KALRN: variants seen among roughly 807,000 people sequenced by gnomAD.
The protein encoded by KALRN is kalirin RhoGEF kinase.
KALRN carries 70 observed loss-of-function variants against 353.7 expected under a neutral mutation model. The observed-to-expected ratio is 0.20, with a 90% CI of 0.16 to 0.24. The LOEUF (loss-of-function observed/expected upper bound fraction) is 0.24, where lower values mean the gene tolerates loss of function less well. KALRN is among the 10% of genes least tolerant of loss of function. The pLI is 1.00. For missense variants in KALRN, 2,791 were observed against 3,756.7 expected (o/e 0.74, Z 6.72); for synonymous variants, 1,391 against 1,434.8 (o/e 0.97, Z 0.69).
At chr3:124,684,529 A>G (rs1290226104) in intron 51 of KALRN, among the ~76,000 whole-genome samples, 1 of 152,192 alleles carries the variant, frequency 6.6e-6, no homozygotes, top group Non-Finnish European at 1.5e-5. Context: ...ACCGCCAGCT[A>G]TGAGACTGCT....
intron 51 of KALRN, among the ~76,000 whole-genome samples, chr3:124,683,990 A>G (rs576685252): frequency 5.9e-5 from 9 of 152,294 alleles, no homozygotes; most frequent in African/African-American, 1.9e-4. Flanking sequence ...TACCATTTTA[A>G]CCATTTTTGA....
chr3:124,587,212 CA>C (rs2075285678), intron 34 of KALRN, among the ~76,000 whole-genome samples: 1 of 152,002 alleles, frequency 6.6e-6, no homozygotes, highest in Non-Finnish European at 1.5e-5. Context: ...AGGCAACCTC[CA>C]CACTCCACCT....
chr3:124,277,639 A>G (rs1057279739), intron 5 of KALRN, among the ~76,000 whole-genome samples: 1 of 151,944 alleles, frequency 6.6e-6, no homozygotes, highest in African/African-American at 2.4e-5. Context: ...CCTCTCCTGC[A>G]TTTTCAGCCC....
chr3:124,151,722 A>AT (rs1246891174), intron 1 of KALRN, among the ~76,000 whole-genome samples: 10 of 151,904 alleles, frequency 6.6e-5, no homozygotes, highest in African/African-American at 2.4e-4. Flanking sequence ...CCAGTTTATT[A>AT]TTTTTTCTTT....
intron 48 of KALRN, among the ~76,000 whole-genome samples, chr3:124,673,659 G>C (rs562955391): frequency 1.3e-5 from 2 of 150,330 alleles, no homozygotes; most frequent in African/African-American, 4.9e-5. Context: ...AAGAATTTCT[G>C]GCTCTTACCA....
At chr3:124,521,853 G>C (rs1209394143) in intron 33 of KALRN, among the ~76,000 whole-genome samples, 1 of 152,098 alleles carries the variant, frequency 6.6e-6, no homozygotes. Context: ...AGATTCAGCA[G>C]TTGCTTATTC....
At chr3:124,443,693 A>C (rs1400849315) in intron 19 of KALRN, among the ~76,000 whole-genome samples, 2 of 152,228 alleles carry the variant, frequency 1.3e-5, no homozygotes, top group African/African-American at 4.8e-5. Flanking sequence ...GAAGAATAAC[A>C]GGCACCCAGA....
intron 33 of KALRN, among the ~76,000 whole-genome samples, chr3:124,532,931 T>C (rs552232105): frequency 1.3e-5 from 2 of 148,894 alleles, no homozygotes; most frequent in Non-Finnish European, 3.0e-5. Context: ...ATTCCATGAC[T>C]TTTATGGGAA....
At chr3:124,518,462 G>T in intron 33 of KALRN, 1 of 1,614,072 alleles carries the variant, frequency 6.2e-7, no homozygotes, top group Non-Finnish European at 8.5e-7. Flanking sequence ...CTTACGTTTA[G>T]CGCGCATCCT....
chr3:124,197,760 C>G (rs549193878), intron 1 of KALRN, among the ~76,000 whole-genome samples: 2 of 152,332 alleles, frequency 1.3e-5, no homozygotes, highest in South Asian at 4.1e-4. Flanking sequence ...AGGGATTTAT[C>G]AGGAGCCTTC....
intron 1 of KALRN, among the ~76,000 whole-genome samples, chr3:124,118,473 A>G (rs2063666897): frequency 6.6e-6 from 1 of 151,940 alleles, no homozygotes; most frequent in Non-Finnish European, 1.5e-5. Flanking sequence ...ACATGTGAAC[A>G]TTTAAAAAGT....
intron 47 of KALRN, among the ~76,000 whole-genome samples, chr3:124,670,105 G>A (rs2150355220): frequency 6.6e-6 from 1 of 152,054 alleles, no homozygotes; most frequent in South Asian, 2.1e-4. Context: ...TGAGAAGCTG[G>A]GATTACAGGT....
At chr3:124,260,619 G>A (rs1232612943) in intron 3 of KALRN, among the ~76,000 whole-genome samples, 1 of 152,074 alleles carries the variant, frequency 6.6e-6, no homozygotes, top group East Asian at 1.9e-4. Flanking sequence ...TAGGGTTTCA[G>A]ATACTAGGAG....
chr3:124,686,797 GATTTTTTTT>G (rs2061579826), intron 51 of KALRN, among the ~76,000 whole-genome samples: 1 of 112,004 alleles, frequency 8.9e-6, no homozygotes, highest in Admixed American at 9.9e-5. Flanking sequence ...ACACTGGTGA[GATTTTTTTT>G]TTTTTTTTTT....
At chr3:124,610,534 A>G (rs143173461) in intron 34 of KALRN, among the ~76,000 whole-genome samples, 298 of 152,238 alleles carry the variant, frequency 2.0e-3, no homozygotes, top group African/African-American at 6.8e-3. Context: ...TATTGGCCCA[A>G]AAATGAAAGC....
chr3:124,560,291 C>G lies in KALRN; in HGVS notation c.4936-2552C>G, dbSNP rs576244395. On this transcript the variant is annotated intron_variant, in intron 33 of 59. Coordinates refer to ENST00000682506, the MANE Select transcript of KALRN (RefSeq NM_001388419.1). ...CCTGAAAGGGCTGCAAGTTGCATCCCCAGCTATGTGTGAGCTTGGCCTCAA... is the reference window on the plus strand; with the variant it reads ...CCTGAAAGGGCTGCAAGTTGCATCCGCAGCTATGTGTGAGCTTGGCCTCAA... Among the ~76,000 whole-genome samples the G allele has an allele frequency of 6.6e-5, 10 of 152,382 alleles. No homozygotes were observed. In the South Asian group the frequency reaches 1.9e-3, roughly 28 times the overall value.
At chr3:124,534,636 A>G (rs79289633) in intron 33 of KALRN, among the ~76,000 whole-genome samples, 3,284 of 152,264 alleles carry the variant, frequency 0.022, 64 homozygotes, top group East Asian at 0.071. Context: ...GACTCTATGA[A>G]CTGGAAGTCT....
At position 124,293,023 on chromosome 3, in the gene KALRN, C is replaced by T. The variant is rs567126118; in HGVS notation, c.970-5768C>T. 1.2e-3 allele frequency among the ~76,000 whole-genome samples: 181 copies of T among 152,324 alleles called. 1 individual carries two copies. Among genetic ancestry groups the T allele is most frequent in the African/African-American group, 4.1e-3 (169 of 41,582 alleles). ...GAATTCTGTTCCTTGCGCTCTAACA[C>T]TCATACAATTTTATTTTGGAATTGA... On this transcript the variant is annotated intron_variant, in intron 5 of 59. Transcript: ENST00000682506.
chr3:124,294,715 A>AT (rs1212593404), intron 5 of KALRN, among the ~76,000 whole-genome samples: 3 of 151,538 alleles, frequency 2.0e-5, no homozygotes, highest in Admixed American at 1.3e-4. Context: ...AAACAATGCC[A>AT]TTTTTCTCAC....
Sources: allele counts gnomAD v4.1 joint callset (sites outside exome capture counted in the v4.1 genomes callset), GRCh38; gene constraint gnomAD v4.1.1; transcripts MANE v1.5; gene names NCBI Gene and HGNC (gene_info 2026-07-23, HGNC 2026-07-21).